Variants in SLC6A9 observed in about 807,000 individuals in gnomAD.
SLC6A9 encodes the protein solute carrier family 6 member 9, also known as sodium- and chloride-dependent glycine transporter 1.
Under a neutral mutation model 70.9 loss-of-function variants are expected in SLC6A9, and 31 were observed. That is an observed-to-expected ratio of 0.44 (90% confidence interval 0.33 to 0.59). The LOEUF is 0.59. Among genes scored for constraint, SLC6A9 ranks in the 20% least tolerant of loss-of-function variants. The pLI, the probability that SLC6A9 is intolerant of heterozygous loss-of-function variation, is 0.04. For missense variants in SLC6A9, 631 were observed against 845.2 expected, an observed-to-expected ratio of 0.75 and a Z score of 3.14; for synonymous variants, 310 against 341.3, an observed-to-expected ratio of 0.91 and a Z score of 1.01.
At chr1:44,030,954 C>T (rs2087103097) in intron 1 of SLC6A9, among the ~76,000 whole-genome samples, 1 of 152,152 alleles carries the variant, frequency 6.6e-6, no homozygotes, top group Admixed American at 6.5e-5. Context: ...CCCGCACAGC[C>T]TGCGCCCGCC....
intron 8 of SLC6A9, 83 bp from the exon 9 acceptor site, chr1:44,001,710 T>C (rs80095976): frequency 2.9e-6 from 3 of 1,021,668 alleles, no homozygotes; most frequent in African/African-American, 1.6e-5. Flanking sequence ...AAGTTCTAGG[T>C]ACAAAGGCAC....
Position 44,010,282 on chromosome 1 carries a change from C to T in SLC6A9, c.188-186G>A, listed in dbSNP as rs16831544. On this transcript the variant is annotated intron_variant, in intron 3 of 13. Coordinates refer to ENST00000372310, the MANE Select transcript of SLC6A9 (RefSeq NM_001024845.3). ...AGCCTGTCTTTCAACTTGACAGAGG[C>T]TCTCAGGAATTCTGCTTGGAGTGGA... 1,205 of 588,074 alleles carry T rather than the reference C, an allele frequency of 2.0e-3. 17 individuals carry two copies. The African/African-American group carries it at 0.021, about 10-fold the overall frequency. 36.4% of individuals were successfully genotyped at this position (588,074 alleles called of 1,614,324 possible).
intron 12 of SLC6A9, among the ~76,000 whole-genome samples, chr1:43,999,608 C>T (rs1219347230): frequency 1.3e-5 from 2 of 152,122 alleles, no homozygotes; most frequent in African/African-American, 4.8e-5. Context: ...CTGAGACTTC[C>T]GTTCCTCCTG....
Position 43,997,776 on chromosome 1 carries a change from C to T in SLC6A9, c.1708-37G>A, listed in dbSNP as rs201141647. On this transcript the variant is annotated intron_variant, in intron 13 of 13. Transcript: ENST00000372310. This position sits in a 1 kb window ranked among gnomAD's most constrained non-coding sequence, Gnocchi z 4.4. ...AGGCATGGGGCACAGGGGCAGGGCA[C>T]GTCAGGAGGGAGCCCTTAAGCCCCT... 8.8e-6 allele frequency: 14 copies of T among 1,592,708 alleles called. No homozygotes were observed. Among genetic ancestry groups the T allele is most frequent in the African/African-American group, 4.0e-5 (3 of 74,110 alleles).
intron 1 of SLC6A9, among the ~76,000 whole-genome samples, chr1:44,028,102 G>C (rs2087015469): frequency 1.3e-5 from 2 of 152,362 alleles, no homozygotes; most frequent in African/African-American, 4.8e-5. Flanking sequence ...CCCTGATGAA[G>C]TGATGTTTAA....
intron 2 of SLC6A9, chr1:44,017,028 T>C (rs770667655): frequency 1.3e-6 from 2 of 1,565,486 alleles, no homozygotes; most frequent in African/African-American, 1.4e-5. Flanking sequence ...GGGGCTCAAC[T>C]TCCTGGAAGG....
rs756467911 is a variant in SLC6A9, at chr1:44,001,572, C to T, written c.1018G>A (p.Val340Ile). 9.3e-6 allele frequency: 15 copies of T among 1,614,108 alleles called. No individual in the cohort carries two copies. Among genetic ancestry groups the T allele is most frequent in the East Asian group, 4.5e-5 (2 of 44,908 alleles). Reference sequence around the variant, plus strand: ...ATGAAGCCGAGGATGGAGAAGATGACGAAGCCAGCATAGACGCTGGTGGCA... The same window carrying T: ...ATGAAGCCGAGGATGGAGAAGATGATGAAGCCAGCATAGACGCTGGTGGCA... ...NCATSVYAGF[V>I]IFSILGFMAN... is the part of the protein sequence containing the mutation. The change falls in exon 9 of 14, where the codon GTC (valine) becomes ATC (isoleucine). Residue 340 changes from valine (V) to isoleucine (I), a missense_variant. Transcript: ENST00000372310.
At chr1:44,007,043 T>C (rs1032423543) in intron 5 of SLC6A9, among the ~76,000 whole-genome samples, 6 of 152,288 alleles carry the variant, frequency 3.9e-5, no homozygotes, top group Middle Eastern at 6.8e-3. Context: ...GTCTTGTCAC[T>C]CAGCGTCCCA....
chr1:44,029,388 G>A (rs1382030724), intron 1 of SLC6A9, among the ~76,000 whole-genome samples: 3 of 152,186 alleles, frequency 2.0e-5, no homozygotes, highest in Non-Finnish European at 2.9e-5. Flanking sequence ...TGGGAGCCCA[G>A]GTCAGCAGCC....
Position 44,001,443 on chromosome 1 carries a change from G to A in SLC6A9, c.1147C>T (p.Leu383=), listed in dbSNP as rs759342055. ...ATGAAGAAGAAGAGCAGAGACCACA[G>A]CGGGGAGATGGGAAGTAGTGTGAGG... ...EALTLLPISP[L]WSLLFFFMLI... is the part of the protein sequence containing the mutation. The change falls in exon 9 of 14, where the codon CTG becomes TTG. Residue 383 remains leucine (L), a synonymous_variant. Transcript: ENST00000372310. 5.6e-6 allele frequency: 9 copies of A among 1,614,044 alleles called. No homozygotes were observed. The highest frequency in any genetic ancestry group is 7.6e-6 in the Non-Finnish European group (9 of 1,180,006).
Position 43,997,196 on chromosome 1 carries a change from G to C in SLC6A9, c.*349C>G. On this transcript the variant is annotated 3_prime_UTR_variant, in exon 14 of 14. Coordinates refer to ENST00000372310, the MANE Select transcript of SLC6A9 (RefSeq NM_001024845.3). This position sits in a 1 kb window ranked among gnomAD's most constrained non-coding sequence, Gnocchi z 4.4. ...GGCAGGAGCACTAGTCATGGGGCTG[G>C]AGGCCCACCCAGAACCTCAGCTCAG... 3.6e-6 allele frequency: 1 copy of C among 275,822 alleles called. No individual in the cohort carries two copies. Among genetic ancestry groups the C allele is most frequent in the Non-Finnish European group, 6.9e-6 (1 of 145,354 alleles). The allele number at this position is 275,822 out of a possible 1,614,324, so 17.1% of individuals were successfully genotyped here. A position where few individuals can be genotyped will look rare whatever the true frequency, so the allele number is the denominator to read the frequency against.
At chr1:44,012,647 C>T (rs1405438721) in intron 2 of SLC6A9, among the ~76,000 whole-genome samples, 1 of 152,220 alleles carries the variant, frequency 6.6e-6, no homozygotes, top group African/African-American at 2.4e-5. Context: ...AGTGGGGGTG[C>T]AATGAAATGT....
At chr1:44,016,661 A>C (rs1410230820) in intron 2 of SLC6A9, 28 of 97,656 alleles carry the variant, frequency 2.9e-4, no homozygotes, top group African/African-American at 3.4e-4. Context: ...CCCCTCACCC[A>C]CTCTTCCCAT....
chr1:44,016,982 G>C, intron 2 of SLC6A9: 1 of 1,492,522 alleles, frequency 6.7e-7, no homozygotes, highest in East Asian at 2.5e-5. Flanking sequence ...CTCCCCATCC[G>C]CAGCCCAGCC....
At chr1:44,005,934 C>T (rs562372331) in intron 5 of SLC6A9, among the ~76,000 whole-genome samples, 1 of 152,356 alleles carries the variant, frequency 6.6e-6, no homozygotes, top group Admixed American at 6.5e-5. Context: ...AGTGCAGCGG[C>T]TCCACCAGCC....
intron 2 of SLC6A9, chr1:44,017,445 C>T: frequency 1.0e-6 from 1 of 993,830 alleles, no homozygotes; most frequent in Non-Finnish European, 1.3e-6. Context: ...TGGCTCACTC[C>T]CCCCACGGAG....
chr1:44,014,334 C>A (rs2086669532), intron 2 of SLC6A9, among the ~76,000 whole-genome samples: 1 of 152,138 alleles, frequency 6.6e-6, no homozygotes, highest in African/African-American at 2.4e-5. Flanking sequence ...GCCATGGGCT[C>A]AGCAGGTGGT....
rs534947448 is a variant in SLC6A9 at position 44,023,284 on chromosome 1, C to T, written c.30+964G>A. 3.5e-4 allele frequency among the ~76,000 whole-genome samples: 53 copies of T among 152,296 alleles called. 1 individual carries two copies. Among genetic ancestry groups the T allele is most frequent in the Admixed American group, 1.4e-3 (22 of 15,294 alleles). On this transcript the variant is annotated intron_variant, in intron 2 of 13. Coordinates refer to ENST00000372310, the MANE Select transcript of SLC6A9 (RefSeq NM_001024845.3). ...TTGCCTCTGGGACAGGATTTGGCATCATTTTCTTGGTTCTTGCTTCTGGTG... is the reference window on the plus strand; with the variant it reads ...TTGCCTCTGGGACAGGATTTGGCATTATTTTCTTGGTTCTTGCTTCTGGTG...
Position 44,009,992 on chromosome 1 carries a change from C to A in SLC6A9, c.292G>T (p.Val98Phe), listed in dbSNP as rs61733178. Residue 98 changes from valine to phenylalanine, a missense_variant, in exon 4 of 14, where the codon GTC (valine) becomes TTC (phenylalanine). Transcript: ENST00000372310. Reference sequence around the variant, plus strand: ...TTGAACATGGGGCTGATCCTCCAGACCCCCAGGCACCCCTGGCTTGCAAAC... The same window carrying A: ...TTGAACATGGGGCTGATCCTCCAGAACCCCAGGCACCCCTGGCTTGCAAAC... The part of the protein sequence containing the change: ...GQFASQGCLG[V>F]WRISPMFKGV... The A allele has an allele frequency of 4.2e-5, 68 of 1,613,922 alleles. No individual in the cohort carries two copies. Among genetic ancestry groups the A allele is most frequent in the Non-Finnish European group, 5.3e-5 (63 of 1,179,932 alleles).
Sources: allele counts gnomAD v4.1 joint callset (sites outside exome capture counted in the v4.1 genomes callset), GRCh38; gene constraint gnomAD v4.1.1; non-coding constraint Gnocchi (gnomAD v3.1); transcripts MANE v1.5; gene names NCBI Gene and HGNC (gene_info 2026-07-23, HGNC 2026-07-21).